RIC3: variants seen among roughly 807,000 people sequenced by gnomAD.
RIC3 encodes the protein protein RIC-3.
A neutral mutation model predicts 27.3 loss-of-function variants in RIC3; 28 were observed. The observed-to-expected ratio is 1.02, with a 90% CI of 0.76 to 1.41. The LOEUF (loss-of-function observed/expected upper bound fraction) is 1.41. Among genes scored for constraint, RIC3 ranks in the 40% most tolerant of loss-of-function variants. RIC3 has a pLI of 0.00. For missense variants in RIC3, 501 were observed against 444.7 expected (o/e 1.13, Z -1.14); for synonymous variants, 184 against 160.4 (o/e 1.15, Z -1.11).
chr11:8,100,382 G>T, the RIC3 span: 9 of 767,070 alleles, frequency 1.2e-5, no homozygotes, highest in Non-Finnish European at 1.6e-5. Context: ...AGAGGGATGT[G>T]TGTTAGACTT....
At chr11:8,162,079 C>T (rs186962026) in intron 1 of RIC3, among the ~76,000 whole-genome samples, 2 of 151,790 alleles carry the variant, frequency 1.3e-5, no homozygotes, top group African/African-American at 2.4e-5. Flanking sequence ...AGGTAATGTC[C>T]GAAACTGTTG....
At position 8,140,520 on chromosome 11, in the gene RIC3, T is replaced by C. The variant is rs544485642; in HGVS notation, c.125-327A>G. On this transcript the variant is annotated intron_variant, in intron 1 of 5. Coordinates refer to ENST00000309737, the MANE Select transcript of RIC3 (RefSeq NM_001206671.4). ...CTGTGCTAGCTCAAGGCCTGGTCTA[T>C]AAAATCTCCCTTGTTATTCAACTCC... Among the ~76,000 whole-genome samples, 46 of 152,322 alleles carry C rather than the reference T, an allele frequency of 3.0e-4. No individual in the cohort carries two copies. In the Middle Eastern group the frequency reaches 0.02, roughly 68 times the overall value.
Position 8,138,363 on chromosome 11 carries a change from G to C in RIC3, c.352-16C>G, listed in dbSNP as rs1263377723. ...CCTTTGAGAGCTGAGAATTGAAGGA[G>C]GTATAGCACATCAACAGCAGCTCAG... On this transcript the variant is annotated splice_polypyrimidine_tract_variant and intron_variant, in intron 2 of 5. Transcript: ENST00000309737. 1.3e-6 allele frequency: 2 copies of C among 1,563,692 alleles called. No homozygotes were observed. The highest frequency in any genetic ancestry group is 1.1e-5 in the South Asian group (1 of 89,930).
At chr11:8,098,088 C>T in the RIC3 span, among the ~76,000 whole-genome samples, 4 of 152,064 alleles carry the variant, frequency 2.6e-5, no homozygotes, top group African/African-American at 7.2e-5. Context: ...GATCCAACCC[C>T]AGGGTGTCAC....
chr11:8,133,399 G>T (rs938701197), intron 4 of RIC3, among the ~76,000 whole-genome samples: 1 of 152,182 alleles, frequency 6.6e-6, no homozygotes, highest in East Asian at 1.9e-4. Flanking sequence ...GTCCCATAGG[G>T]CCTACCTGTA....
chr11:8,113,180 G>A (rs1945459332), intron 5 of RIC3, among the ~76,000 whole-genome samples: 1 of 152,240 alleles, frequency 6.6e-6, no homozygotes, highest in Non-Finnish European at 1.5e-5. Context: ...ATCTGGAGAA[G>A]CTGCTTGCTA....
chr11:8,098,611 T>C, the RIC3 span: 3 of 638,238 alleles, frequency 4.7e-6, no homozygotes, highest in Non-Finnish European at 8.5e-6. Flanking sequence ...TTCAAAGATG[T>C]GGATTCAGTG....
intron 1 of RIC3, among the ~76,000 whole-genome samples, chr11:8,147,540 C>T (rs761720459): frequency 1.7e-4 from 26 of 152,008 alleles, no homozygotes; most frequent in Admixed American, 1.6e-3. Flanking sequence ...TTTCAAGATA[C>T]GGCAAAGAAA....
chr11:8,157,400 G>GATC (rs1181678174), intron 1 of RIC3, among the ~76,000 whole-genome samples: 2 of 152,160 alleles, frequency 1.3e-5, no homozygotes, highest in African/African-American at 4.8e-5. Context: ...CCATCCTCCA[G>GATC]ATCACCTAAC....
At chr11:8,141,054 C>T (rs544782620) in intron 1 of RIC3, among the ~76,000 whole-genome samples, 1 of 148,940 alleles carries the variant, frequency 6.7e-6, no homozygotes, top group East Asian at 2.0e-4. Flanking sequence ...AAAGGAACAA[C>T]CGGTACCAGC....
intron 4 of RIC3, 141 bp from the exon 5 acceptor site, chr11:8,126,948 T>TATGCAGTTGGAG: frequency 3.2e-6 from 3 of 945,286 alleles, no homozygotes; most frequent in Non-Finnish European, 4.9e-6. Flanking sequence ...ATCCTCCAAC[T>TATGCAGTTGGAG]GCATAGCTGG....
At chr11:8,101,035 A>G in the RIC3 span, 3 of 1,612,232 alleles carry the variant, frequency 1.9e-6, no homozygotes, top group Non-Finnish European at 2.5e-6. Context: ...GGTCCGTAGG[A>G]TACCCAAGGC....
At chr11:8,126,525 C>T in intron 5 of RIC3, 134 bp downstream of exon 5, 2 of 1,027,382 alleles carry the variant, frequency 1.9e-6, no homozygotes, top group Non-Finnish European at 2.8e-6. Flanking sequence ...AAAACTCATC[C>T]AACCGTACAT....
chr11:8,123,285 A>G (rs1241601941), intron 5 of RIC3, among the ~76,000 whole-genome samples: 1 of 152,182 alleles, frequency 6.6e-6, no homozygotes, highest in Non-Finnish European at 1.5e-5. Flanking sequence ...AGAGAGACAA[A>G]AAGACACAGA....
chr11:8,159,264 A>G lies in RIC3; in HGVS notation c.124+9602T>C, dbSNP rs148173338. 6.4e-3 allele frequency among the ~76,000 whole-genome samples: 972 copies of G among 152,334 alleles called. 22 individuals carry two copies. Among genetic ancestry groups the G allele is most frequent in the Admixed American group, 0.051 (781 of 15,300 alleles). On this transcript the variant is annotated intron_variant, in intron 1 of 5. Coordinates refer to ENST00000309737, the MANE Select transcript of RIC3 (RefSeq NM_001206671.4). ...TTCAAACAAGGGAAACAGCAAATGC[A>G]AAGGCACTGAAGTGGGAACATGCTT...
chr11:8,151,036 T>C (rs533664944), intron 1 of RIC3, among the ~76,000 whole-genome samples: 1 of 152,306 alleles, frequency 6.6e-6, no homozygotes, highest in Non-Finnish European at 1.5e-5. Flanking sequence ...AACTTTAAAA[T>C]CTTACAGGAA....
At chr11:8,127,038 G>A (rs1457891281) in intron 4 of RIC3, 6 of 562,256 alleles carry the variant, frequency 1.1e-5, no homozygotes, top group Middle Eastern at 5.0e-4. Flanking sequence ...GATTGCCCAA[G>A]GTCCCGAAAT....
intron 5 of RIC3, 40 bp from the exon 6 acceptor site, chr11:8,111,177 T>C: frequency 3.0e-6 from 4 of 1,321,058 alleles, no homozygotes; most frequent in Non-Finnish European, 3.0e-6. Context: ...AAAGAATGTC[T>C]CCTCAAAAAA....
At chr11:8,149,814 A>G (rs1950059556) in intron 1 of RIC3, among the ~76,000 whole-genome samples, 1 of 152,124 alleles carries the variant, frequency 6.6e-6, no homozygotes, top group Non-Finnish European at 1.5e-5. Flanking sequence ...TTTCTTCTCT[A>G]ACTACCAAAC....
Sources: allele counts gnomAD v4.1 joint callset (sites outside exome capture counted in the v4.1 genomes callset), GRCh38; gene constraint gnomAD v4.1.1; transcripts MANE v1.5; gene names NCBI Gene and HGNC (gene_info 2026-07-23, HGNC 2026-07-21).